Variants in SAMD5 observed in about 807,000 individuals in gnomAD.
The protein encoded by SAMD5 is sterile alpha motif domain containing 5.
Under a neutral mutation model 11.3 loss-of-function variants are expected in SAMD5, and 13 were observed. The observed-to-expected ratio is 1.15, with a 90% CI of 0.75 to 1.83. The LOEUF (loss-of-function observed/expected upper bound fraction) is 1.83, where lower values mean the gene tolerates loss of function less well. SAMD5 is among the 40% of genes most tolerant of loss of function. The pLI is 0.00. For synonymous variants in SAMD5, 129 were observed against 111.3 expected (o/e 1.16, Z -1.00); for missense variants, 255 against 239.1 (o/e 1.07, Z -0.44).
At chr6:147,884,461 T>C in the SAMD5 span, among the ~76,000 whole-genome samples, 1 of 152,216 alleles carries the variant, frequency 6.6e-6, no homozygotes, top group South Asian at 2.1e-4. Context: ...GATATTCTGG[T>C]TAGTTACCTG....
chr6:147,788,649 A>G, the SAMD5 span, among the ~76,000 whole-genome samples: 4 of 152,218 alleles, frequency 2.6e-5, no homozygotes, highest in Non-Finnish European at 5.9e-5. Context: ...GGTTAAGAAT[A>G]TGAGTGAAGT....
At chr6:147,904,163 T>G in the SAMD5 span, among the ~76,000 whole-genome samples, 1 of 152,152 alleles carries the variant, frequency 6.6e-6, no homozygotes, top group Non-Finnish European at 1.5e-5. Context: ...TTCACTAACA[T>G]TGGTTCCTCT....
the SAMD5 span, among the ~76,000 whole-genome samples, chr6:147,815,527 G>A: frequency 1.3e-5 from 2 of 152,170 alleles, no homozygotes; most frequent in Non-Finnish European, 1.5e-5. Flanking sequence ...GAAGGGTTCG[G>A]CTATGGAAGT....
chr6:147,754,821 T>G, the SAMD5 span, among the ~76,000 whole-genome samples: 1 of 152,088 alleles, frequency 6.6e-6, no homozygotes, highest in Admixed American at 6.6e-5. Context: ...TGAGACAGTC[T>G]TTTCCCTGGT....
At chr6:147,903,443 C>T in the SAMD5 span, among the ~76,000 whole-genome samples, 1 of 152,112 alleles carries the variant, frequency 6.6e-6, no homozygotes, top group Non-Finnish European at 1.5e-5. Context: ...AAATGTGCAC[C>T]TGTTCAGTGC....
At chr6:147,820,806 C>G in the SAMD5 span, among the ~76,000 whole-genome samples, 1 of 152,122 alleles carries the variant, frequency 6.6e-6, no homozygotes, top group African/African-American at 2.4e-5. Context: ...TCCTGAGTGT[C>G]GGAGCTGAAA....
chr6:147,636,205 G>T (rs779147995), intron 1 of SAMD5, among the ~76,000 whole-genome samples: 1 of 152,144 alleles, frequency 6.6e-6, no homozygotes, highest in Non-Finnish European at 1.5e-5. Flanking sequence ...CTGTATCTAT[G>T]CTCGGGGAGG....
At chr6:147,701,869 G>A (rs1791258120) in intron 1 of SAMD5, among the ~76,000 whole-genome samples, 2 of 152,162 alleles carry the variant, frequency 1.3e-5, no homozygotes, top group South Asian at 2.1e-4. Flanking sequence ...AAGATAACTG[G>A]GGAGAAAATT....
intron 1 of SAMD5, among the ~76,000 whole-genome samples, chr6:147,636,343 T>G (rs1341565750): frequency 6.6e-6 from 1 of 152,124 alleles, no homozygotes; most frequent in East Asian, 1.9e-4. Flanking sequence ...TTTTGTAAGT[T>G]TTACTATCCT....
the SAMD5 span, among the ~76,000 whole-genome samples, chr6:147,795,983 T>C: frequency 6.7e-6 from 1 of 148,576 alleles, no homozygotes. Context: ...GTCAGATGAG[T>C]AGGTTGCGAA....
the SAMD5 span, among the ~76,000 whole-genome samples, chr6:147,898,976 C>G: frequency 0.31 from 47,128 of 151,092 alleles, 8,861 homozygotes; most frequent in African/African-American, 0.53. Context: ...GTCAGGACAT[C>G]GAGACCATCC....
intron 1 of SAMD5, among the ~76,000 whole-genome samples, chr6:147,682,009 C>T (rs887094377): frequency 1.1e-4 from 16 of 152,030 alleles, no homozygotes; most frequent in Admixed American, 9.8e-4. Context: ...GCTGACAGTG[C>T]ATGAAGACCC....
In SAMD5 at chr6:147,700,030, A is replaced by G. The variant is rs139154433; in HGVS notation, c.163-37287A>G. The stretch of plus-strand genomic sequence containing the variant: ...CCAAATGCTGATAGTGTGGTAATCT[A>G]TGCTCTGGGAGGAAATCGAAGGCCT... On this transcript the variant is annotated intron_variant, in intron 1 of 1. Transcript: ENST00000566741. Among the ~76,000 whole-genome samples the G allele has an allele frequency of 4.4e-3, 672 of 152,320 alleles. 3 individuals carry two copies. Among genetic ancestry groups the G allele is most frequent in the African/African-American group, 0.015 (629 of 41,576 alleles).
the SAMD5 span, among the ~76,000 whole-genome samples, chr6:147,777,150 CT>C: frequency 6.6e-6 from 1 of 151,384 alleles, no homozygotes; most frequent in Non-Finnish European, 1.5e-5. Flanking sequence ...AAGTATTTGA[CT>C]TTTTTTTTCT....
At chr6:147,618,610 T>C (rs986302305) in intron 1 of SAMD5, among the ~76,000 whole-genome samples, 1 of 152,160 alleles carries the variant, frequency 6.6e-6, no homozygotes, top group African/African-American at 2.4e-5. Context: ...TGTAACCGTG[T>C]TGTGAGGAGA....
the SAMD5 span, among the ~76,000 whole-genome samples, chr6:147,846,298 T>C: frequency 6.6e-6 from 1 of 152,164 alleles, no homozygotes; most frequent in Non-Finnish European, 1.5e-5. Flanking sequence ...GTCTTGACTG[T>C]AGTAGTCATG....
At chr6:147,625,054 A>C (rs943612414) in intron 1 of SAMD5, among the ~76,000 whole-genome samples, 1 of 152,172 alleles carries the variant, frequency 6.6e-6, no homozygotes, top group Non-Finnish European at 1.5e-5. Context: ...GACACTTGAA[A>C]AGACTGGGCG....
intron 1 of SAMD5, among the ~76,000 whole-genome samples, chr6:147,690,007 T>C (rs897337011): frequency 1.3e-5 from 2 of 152,208 alleles, no homozygotes; most frequent in African/African-American, 4.8e-5. Context: ...CAGTGGGGCC[T>C]ATTTGAAGAC....
chr6:147,560,107 G>C (rs945190516), intron 1 of SAMD5, among the ~76,000 whole-genome samples: 1 of 152,248 alleles, frequency 6.6e-6, no homozygotes, highest in East Asian at 1.9e-4. Flanking sequence ...CGATTCAATC[G>C]GTCAGCAGTA....
Sources: gnomAD v4.1 joint callset for allele counts (sites outside exome capture counted in the v4.1 genomes callset) on GRCh38, gnomAD v4.1.1 for gene constraint, MANE v1.5 for transcripts, NCBI Gene and HGNC (gene_info 2026-07-23, HGNC 2026-07-21) for gene names.